Variants in NUP54 observed in about 807,000 individuals in gnomAD.
NUP54 encodes the protein nucleoporin 54.
A neutral mutation model predicts 66.4 loss-of-function variants in NUP54; 27 were observed. The ratio of observed to expected loss-of-function variants is 0.41; its 90% confidence interval spans 0.30 to 0.56. The LOEUF (loss-of-function observed/expected upper bound fraction) is 0.56, where lower values mean the gene tolerates loss of function less well. Ranked by LOEUF, NUP54 falls within the 20% of genes least tolerant of loss-of-function variation. The pLI is 0.34. For synonymous variants in NUP54, 206 were observed against 210.7 expected (o/e 0.98, Z 0.19); for missense variants, 486 against 596.3 (o/e 0.82, Z 1.93).
chr4:76,148,298 G>A lies in NUP54; in HGVS notation c.67+10C>T, dbSNP rs1192569837. 1.2e-5 allele frequency: 18 copies of A among 1,483,472 alleles called. No individual in the cohort carries two copies. The highest frequency in any genetic ancestry group is 1.6e-5 in the Non-Finnish European group (18 of 1,113,554). 91.9% of individuals were successfully genotyped at this position (1,483,472 alleles called of 1,614,324 possible). On this transcript the variant is annotated intron_variant, in intron 1 of 11. Transcript: ENST00000264883. ...TTCTTCCCGGGTGAAGGTCTAGGGG[G>A]ATCACTCACCCGCGGGGGCCGCGGT...
intron 11 of NUP54, among the ~76,000 whole-genome samples, chr4:76,116,606 G>C (rs536621203): frequency 6.6e-6 from 1 of 152,290 alleles, no homozygotes; most frequent in East Asian, 1.9e-4. Flanking sequence ...CCTCCATCCA[G>C]ATCTCCTGAG....
At position 76,114,724 on chromosome 4, in the gene NUP54, G is replaced by C. The variant is rs1263190680; in HGVS notation, c.*642C>G. On this transcript the variant is annotated 3_prime_UTR_variant, in exon 12 of 12. Transcript: ENST00000264883. The stretch of plus-strand genomic sequence containing the variant: ...TTTTCATCTTTTTAGAAATAAAAAG[G>C]CTTAAAAAACAAAATGGTTGCAAAA... 2 of 151,394 alleles carry C rather than the reference G, an allele frequency of 1.3e-5. No individual in the cohort carries two copies. Among genetic ancestry groups the C allele is most frequent in the African/African-American group, 4.8e-5 (2 of 41,280 alleles). The allele number at this position is 151,394 out of a possible 1,614,324, so 9.4% of individuals were successfully genotyped here. A position where few individuals can be genotyped will look rare whatever the true frequency, so the allele number is the denominator to read the frequency against.
intron 1 of NUP54, 123 bp downstream of exon 1, chr4:76,148,185 T>C (rs1335079110): frequency 1.3e-6 from 1 of 788,552 alleles, no homozygotes; most frequent in Admixed American, 4.0e-5. Context: ...CCTTTTCCAA[T>C]GCCTCTAAAG....
rs772918644 is a variant in NUP54 at position 76,136,377 on chromosome 4, G to A, written c.331C>T (p.Pro111Ser). 1.4e-5 allele frequency: 23 copies of A among 1,614,110 alleles called. No homozygotes were observed. The South Asian group carries it at 2.3e-4, about 16-fold the overall frequency. Residue 111 changes from proline (P) to serine (S), a missense_variant, in exon 4 of 12, where the codon CCT (proline) becomes TCT (serine). Pro to Ser is a moderately conservative substitution (Grantham distance 74). Coordinates refer to ENST00000264883, the MANE Select transcript of NUP54 (RefSeq NM_017426.4). ...GGLFSQPTQA[P>S]TQSNQLINTA... is the part of the protein sequence containing the mutation. ...TTTATCAGCTGGTTGGACTGGGTAGGAGCTTGTGTAGGCTGACTGAAGAGA... is the reference window on the plus strand; with the variant it reads ...TTTATCAGCTGGTTGGACTGGGTAGAAGCTTGTGTAGGCTGACTGAAGAGA...
intron 9 of NUP54, among the ~76,000 whole-genome samples, chr4:76,121,127 T>C (rs1398567325): frequency 6.6e-6 from 1 of 152,236 alleles, no homozygotes. Flanking sequence ...GTCCACTTTA[T>C]TTTTATACAA....
chr4:76,132,963 C>T (rs1234822088), intron 5 of NUP54, among the ~76,000 whole-genome samples: 4 of 151,448 alleles, frequency 2.6e-5, no homozygotes, highest in Non-Finnish European at 5.9e-5. Flanking sequence ...ATTCTCCCAC[C>T]TCAGCCTCCA....
intron 3 of NUP54, among the ~76,000 whole-genome samples, chr4:76,143,760 A>G (rs1455079914): frequency 1.3e-5 from 2 of 152,222 alleles, no homozygotes; most frequent in African/African-American, 4.8e-5. Context: ...CTGATGGGGA[A>G]GCAATTGGTA....
chr4:76,133,697 C>T (rs79860213), intron 5 of NUP54, among the ~76,000 whole-genome samples: 20,024 of 152,224 alleles, frequency 0.13, 1,546 homozygotes, highest in East Asian at 0.35. Context: ...AATTTATGGG[C>T]TGCTTCTCTG....
chr4:76,134,599 G>A (rs1301120354), intron 4 of NUP54, among the ~76,000 whole-genome samples: 1 of 152,004 alleles, frequency 6.6e-6, no homozygotes, highest in Non-Finnish European at 1.5e-5. Flanking sequence ...TCCTCTTTGA[G>A]AGAGTAACTA....
chr4:76,118,584 G>GGGGGGGGGGGC (rs1730071351), intron 9 of NUP54: 1 of 96,280 alleles, frequency 1.0e-5, no homozygotes, highest in African/African-American at 3.9e-5. Flanking sequence ...GGGGGGGGGG[G>GGGGGGGGGGGC]TCTCACTATG....
rs1730931609 is a variant in NUP54 at position 76,134,165 on chromosome 4, G to C, written c.710+10C>G. The C allele has an allele frequency of 6.4e-7, 1 of 1,569,960 alleles. No individual in the cohort carries two copies. The highest frequency in any genetic ancestry group is 8.8e-7 in the Non-Finnish European group (1 of 1,141,714). On this transcript the variant is annotated intron_variant, in intron 5 of 11. Transcript: ENST00000264883. The stretch of plus-strand genomic sequence containing the variant: ...ACACAGAAATAAACAGTATATTTAT[G>C]TATACTTACTGATCATCTGGCAATG...
intron 11 of NUP54, 119 bp downstream of exon 11, chr4:76,117,545 G>T (rs1730004091): frequency 1.5e-6 from 1 of 656,432 alleles, no homozygotes; most frequent in South Asian, 1.9e-5. Context: ...AACAGTGCAA[G>T]AAAGTTCCAA....
At chr4:76,118,042 A>G (rs1730032583) in intron 10 of NUP54, 33 bp downstream of exon 10, 18 of 1,604,818 alleles carry the variant, frequency 1.1e-5, no homozygotes, top group Non-Finnish European at 1.5e-5. Flanking sequence ...CACCTGAAAC[A>G]AATTTTAGAA....
intron 3 of NUP54, among the ~76,000 whole-genome samples, chr4:76,139,596 G>A (rs1055055628): frequency 6.6e-6 from 1 of 152,164 alleles, no homozygotes; most frequent in East Asian, 1.9e-4. Flanking sequence ...TTTGGATCAT[G>A]ATTCAAACAA....
At chr4:76,129,507 T>C (rs558093573) in intron 8 of NUP54, among the ~76,000 whole-genome samples, 4 of 152,292 alleles carry the variant, frequency 2.6e-5, no homozygotes, top group South Asian at 2.1e-4. Flanking sequence ...CTGACATTAA[T>C]AGAAAACTTC....
Position 76,144,408 on chromosome 4 carries a change from T to G in NUP54, c.133A>C (p.Thr45Pro). 1.2e-6 allele frequency: 2 copies of G among 1,609,840 alleles called. No homozygotes were observed. Among genetic ancestry groups the G allele is most frequent in the Non-Finnish European group, 1.7e-6 (2 of 1,178,962 alleles). ...AGSAFSFSAP[T>P]NTGTTGLFGG... Reference sequence around the variant, plus strand: ...CTCTTACCAGTAGTGCCTGTGTTAGTTGGGGCAGAAAAGCTGAATGCAGAA... The same window carrying G: ...CTCTTACCAGTAGTGCCTGTGTTAGGTGGGGCAGAAAAGCTGAATGCAGAA... The change falls in exon 2 of 12, where the codon ACT becomes CCT. Residue 45 changes from threonine (T) to proline (P), a missense_variant. Coordinates refer to ENST00000264883, the MANE Select transcript of NUP54 (RefSeq NM_017426.4).
At chr4:76,142,882 G>A (rs1375176602) in intron 3 of NUP54, among the ~76,000 whole-genome samples, 1 of 152,160 alleles carries the variant, frequency 6.6e-6, no homozygotes, top group Admixed American at 6.5e-5. Context: ...CATCTTTGGA[G>A]AATGCTAGAT....
chr4:76,133,720 C>T (rs908081068), intron 5 of NUP54, among the ~76,000 whole-genome samples: 1 of 149,030 alleles, frequency 6.7e-6, no homozygotes, highest in African/African-American at 2.4e-5. Context: ...ATTACAACCA[C>T]AAGTAAAATC....
chr4:76,143,825 G>A (rs1314565721), intron 3 of NUP54, among the ~76,000 whole-genome samples: 8 of 152,116 alleles, frequency 5.3e-5, no homozygotes, highest in Non-Finnish European at 1.0e-4. Flanking sequence ...CCTGACATGG[G>A]CAGTGATTAC....
Sources: gnomAD v4.1 joint callset for allele counts (sites outside exome capture counted in the v4.1 genomes callset) on GRCh38, gnomAD v4.1.1 for gene constraint, MANE v1.5 for transcripts, NCBI Gene and HGNC (gene_info 2026-07-23, HGNC 2026-07-21) for gene names.